TAOK1: variants seen among roughly 807,000 people sequenced by gnomAD.
TAOK1 encodes serine/threonine-protein kinase TAO1.
TAOK1 carries 21 observed loss-of-function variants against 138.3 expected under a neutral mutation model. That is an observed-to-expected ratio of 0.15 (90% CI 0.11 to 0.22). The LOEUF (loss-of-function observed/expected upper bound fraction) is 0.22. TAOK1 is among the 10% of genes least tolerant of loss of function. The probability of loss-of-function intolerance (pLI) is 1.00; values close to 1 mark genes in which losing one functional copy is unlikely to be tolerated. For synonymous variants in TAOK1, 361 were observed against 398.4 expected (o/e 0.91, Z 1.12); for missense variants, 651 against 1,227.7 (o/e 0.53, Z 7.02).
intron 1 of TAOK1, among the ~76,000 whole-genome samples, chr17:29,444,883 C>T (rs2030037968): frequency 6.6e-6 from 1 of 152,138 alleles, no homozygotes; most frequent in Non-Finnish European, 1.5e-5. Flanking sequence ...AAATTCTACC[C>T]ATATATTGTT....
chr17:29,493,732 T>G (rs1313691561), intron 10 of TAOK1, among the ~76,000 whole-genome samples: 1 of 152,062 alleles, frequency 6.6e-6, no homozygotes, highest in Non-Finnish European at 1.5e-5. Context: ...CTAATTACAT[T>G]TCTGTTGCAG....
Position 29,518,871 on chromosome 17 carries a change from A to G in TAOK1, c.1908+1215A>G, listed in dbSNP as rs146563669. Among the ~76,000 whole-genome samples the G allele has an allele frequency of 3.2e-3, 484 of 152,104 alleles. 2 individuals are homozygous for G. Among genetic ancestry groups the G allele is most frequent in the Non-Finnish European group, 5.1e-3 (346 of 68,008 alleles). ...AACCTCCGCCTCCCAGGTTCAAGCA[A>G]TTCTCCTGCCTCAGCCTCTCAAGTA... On this transcript the variant is annotated intron_variant, in intron 16 of 19. Transcript: ENST00000261716.
At chr17:29,478,115 T>C (rs760854865) in intron 5 of TAOK1, 136 bp from the exon 6 acceptor site, 123 of 598,310 alleles carry the variant, frequency 2.1e-4, no homozygotes, top group Non-Finnish European at 3.2e-4. Flanking sequence ...GTTATAAAGT[T>C]TAATAATCTT....
chr17:29,466,378 A>G (rs1448492726), intron 2 of TAOK1, among the ~76,000 whole-genome samples: 1 of 152,102 alleles, frequency 6.6e-6, no homozygotes, highest in Non-Finnish European at 1.5e-5. Flanking sequence ...TGCTGACCTG[A>G]GGTGATCCAC....
chr17:29,523,532 T>C (rs1662601), intron 17 of TAOK1, among the ~76,000 whole-genome samples: 59,995 of 151,894 alleles, frequency 0.39, 12,758 homozygotes, highest in Non-Finnish European at 0.48. Context: ...GGACTACAGG[T>C]GCCTGCCACC....
intron 1 of TAOK1, among the ~76,000 whole-genome samples, chr17:29,429,921 C>G (rs540903490): frequency 1.3e-3 from 191 of 152,190 alleles, no homozygotes; most frequent in African/African-American, 3.9e-3. Context: ...AAGATCTAAT[C>G]AATACAACTG....
chr17:29,532,293 T>TA (rs1403697364), intron 18 of TAOK1, among the ~76,000 whole-genome samples: 3 of 151,972 alleles, frequency 2.0e-5, no homozygotes, highest in African/African-American at 7.2e-5. Context: ...TTATTTCCAC[T>TA]AGAGAGGAAG....
chr17:29,410,796 T>A (rs9904774), intron 1 of TAOK1, among the ~76,000 whole-genome samples: 32,937 of 149,662 alleles, frequency 0.22, 4,214 homozygotes, highest in East Asian at 0.66. Flanking sequence ...CCACCACGCC[T>A]GGCTAACGTA....
chr17:29,517,392 T>C, intron 15 of TAOK1, 61 bp from the exon 16 acceptor site: 1 of 1,550,724 alleles, frequency 6.4e-7, no homozygotes, highest in Non-Finnish European at 8.8e-7. Context: ...AGTGCTGGGA[T>C]TACAGGCGTG....
At chr17:29,416,053 AG>A (rs1420311248) in intron 1 of TAOK1, among the ~76,000 whole-genome samples, 1 of 152,146 alleles carries the variant, frequency 6.6e-6, no homozygotes, top group Non-Finnish European at 1.5e-5. Context: ...ACCTGAGGTC[AG>A]GAGTTCGAGA....
chr17:29,486,593 A>G (rs2031178889), intron 8 of TAOK1, among the ~76,000 whole-genome samples: 1 of 152,124 alleles, frequency 6.6e-6, no homozygotes, highest in Non-Finnish European at 1.5e-5. Context: ...AGATCGTGCC[A>G]CTTCACTTTG....
intron 1 of TAOK1, among the ~76,000 whole-genome samples, chr17:29,433,418 CTG>C (rs1202615850): frequency 6.3e-4 from 86 of 137,412 alleles, no homozygotes; most frequent in African/African-American, 1.9e-3. Context: ...GAGCTAGACT[CTG>C]TCTCAAAAAA....
chr17:29,495,307 C>T (rs933998721), intron 10 of TAOK1, among the ~76,000 whole-genome samples: 1 of 152,072 alleles, frequency 6.6e-6, no homozygotes, highest in Non-Finnish European at 1.5e-5. Context: ...TTAGACCCTT[C>T]AGTTATTTTA....
intron 18 of TAOK1, among the ~76,000 whole-genome samples, chr17:29,530,962 ATTTT>A (rs66788063): frequency 2.1e-5 from 2 of 96,192 alleles, no homozygotes; most frequent in Non-Finnish European, 3.8e-5. Flanking sequence ...ACAAGTACAA[ATTTT>A]TTTTTTTTTT....
At chr17:29,501,270 G>C (rs1325937488) in intron 12 of TAOK1, among the ~76,000 whole-genome samples, 2 of 150,838 alleles carry the variant, frequency 1.3e-5, no homozygotes, top group South Asian at 2.1e-4. Flanking sequence ...AGCCAGGTGT[G>C]GCATATGCCT....
At chr17:29,397,598 G>A (rs1181232722) in intron 1 of TAOK1, among the ~76,000 whole-genome samples, 4 of 54,720 alleles carry the variant, frequency 7.3e-5, no homozygotes, top group African/African-American at 1.7e-4. Context: ...GTGAGATTCC[G>A]TCCCCCCCCA....
chr17:29,511,439 TG>T (rs1407255608), intron 15 of TAOK1: 1 of 152,438 alleles, frequency 6.6e-6, no homozygotes, highest in African/African-American at 2.4e-5. Flanking sequence ...GGTTTCACCA[TG>T]TTAGCCAGGA....
At chr17:29,400,595 C>T (rs765361483) in intron 1 of TAOK1, among the ~76,000 whole-genome samples, 5 of 152,070 alleles carry the variant, frequency 3.3e-5, no homozygotes, top group South Asian at 2.1e-4. Flanking sequence ...AAGTGCCTTA[C>T]GTTCCAAAAT....
intron 1 of TAOK1, among the ~76,000 whole-genome samples, chr17:29,450,135 G>A (rs959872665): frequency 2.0e-5 from 3 of 151,678 alleles, no homozygotes; most frequent in Non-Finnish European, 2.9e-5. Flanking sequence ...TGCCCAGGCT[G>A]GAATGCCATG....
Sources: allele counts gnomAD v4.1 joint callset (sites outside exome capture counted in the v4.1 genomes callset), GRCh38; gene constraint gnomAD v4.1.1; transcripts MANE v1.5; gene names NCBI Gene and HGNC (gene_info 2026-07-23, HGNC 2026-07-21).